Variants in CPD observed in about 807,000 individuals in gnomAD.
The protein encoded by CPD is metallocarboxypeptidase D.
In CPD, 69 loss-of-function variants were observed where a neutral mutation model predicts 138.3. The observed-to-expected ratio is 0.50, with a 90% CI of 0.41 to 0.61. The LOEUF (loss-of-function observed/expected upper bound fraction) is 0.61. Among genes scored for constraint, CPD ranks in the 20% least tolerant of loss-of-function variants. The pLI, the probability that CPD is intolerant of heterozygous loss-of-function variation, is 0.00. For missense variants in CPD, 1,432 were observed against 1,733.3 expected (o/e 0.83, Z 3.09); for synonymous variants, 651 against 642.1 (o/e 1.01, Z -0.21).
chr17:30,451,756 G>A lies in CPD; in HGVS notation c.3115G>A (p.Asp1039Asn). 1 of 1,614,062 alleles carries A rather than the reference G, an allele frequency of 6.2e-7. No individual in the cohort carries two copies. The highest frequency in any genetic ancestry group is 8.5e-7 in the Non-Finnish European group (1 of 1,179,968). Residue 1039 changes from aspartate (D) to asparagine (N), a missense_variant, in exon 14 of 21, where the codon GAT becomes AAT. Coordinates refer to ENST00000225719, the MANE Select transcript of CPD (RefSeq NM_001304.5). ...TGTGATTGTCCCTTCTCTAAATCCA[G>A]ATGGGCGAGAGAGAGCTCAAGAGAA... ...RIVIVPSLNP[D>N]GRERAQEKDC... is the part of the protein sequence containing the mutation.
intron 2 of CPD, among the ~76,000 whole-genome samples, chr17:30,409,695 G>A (rs1004577975): frequency 6.6e-6 from 1 of 152,088 alleles, no homozygotes; most frequent in Non-Finnish European, 1.5e-5. Flanking sequence ...GGGATCGGTG[G>A]TGATATCCCC....
chr17:30,383,635 A>G (rs1374898396), intron 1 of CPD, among the ~76,000 whole-genome samples: 1 of 152,134 alleles, frequency 6.6e-6, no homozygotes, highest in Non-Finnish European at 1.5e-5. Flanking sequence ...TGATGAACAG[A>G]TTTTGTGTTA....
In CPD at chr17:30,397,192, A is replaced by T. The variant is rs114545069; in HGVS notation, c.994+11956A>T. On this transcript the variant is annotated intron_variant, in intron 2 of 20. Coordinates refer to ENST00000225719, the MANE Select transcript of CPD (RefSeq NM_001304.5). ...TATTTTATTATTTACCAAAATTTGTAAAAAAAACTATGCCTTTTTGATAAA... is the reference window on the plus strand; with the variant it reads ...TATTTTATTATTTACCAAAATTTGTTAAAAAAACTATGCCTTTTTGATAAA... 3.0e-3 allele frequency among the ~76,000 whole-genome samples: 455 copies of T among 152,090 alleles called. 1 individual carries two copies. Among genetic ancestry groups the T allele is most frequent in the African/African-American group, 0.011 (439 of 41,506 alleles).
chr17:30,458,449 G>A (rs189833261), intron 17 of CPD, among the ~76,000 whole-genome samples: 3 of 152,066 alleles, frequency 2.0e-5, no homozygotes, highest in Non-Finnish European at 2.9e-5. Flanking sequence ...AAGATGCCCC[G>A]CCCCACCCCA....
At chr17:30,460,766 G>A (rs1188889317) in intron 17 of CPD, among the ~76,000 whole-genome samples, 3 of 152,166 alleles carry the variant, frequency 2.0e-5, no homozygotes. Flanking sequence ...ACCAGCAGGG[G>A]TCCAGGTTGA....
intron 1 of CPD, among the ~76,000 whole-genome samples, chr17:30,384,580 A>G (rs1350461428): frequency 2.0e-5 from 3 of 152,192 alleles, no homozygotes; most frequent in Non-Finnish European, 4.4e-5. Flanking sequence ...CAACATGGCG[A>G]GACCCCATCA....
intron 1 of CPD, chr17:30,380,729 TG>T: frequency 1.1e-6 from 1 of 926,100 alleles, no homozygotes; most frequent in Non-Finnish European, 1.6e-6. Context: ...ACCATCTCTG[TG>T]GAAGAGGTAG....
intron 6 of CPD, among the ~76,000 whole-genome samples, chr17:30,424,765 A>G (rs1315591451): frequency 1.3e-5 from 2 of 152,192 alleles, no homozygotes; most frequent in African/African-American, 4.8e-5. Flanking sequence ...CTTATGCACA[A>G]CACTAGGGGA....
At chr17:30,429,889 T>C (rs1912517468) in intron 7 of CPD, among the ~76,000 whole-genome samples, 1 of 152,174 alleles carries the variant, frequency 6.6e-6, no homozygotes, top group Admixed American at 6.5e-5. Flanking sequence ...CCATCTCTGA[T>C]GGTACCAGGA....
chr17:30,425,612 C>T (rs970617726), intron 6 of CPD, among the ~76,000 whole-genome samples: 3 of 148,508 alleles, frequency 2.0e-5, no homozygotes, highest in African/African-American at 5.0e-5. Context: ...GCCGAGATGG[C>T]GCCACTGCAC....
At chr17:30,449,407 A>T (rs979634371) in intron 12 of CPD, 146 bp from the exon 13 acceptor site, 3 of 588,954 alleles carry the variant, frequency 5.1e-6, no homozygotes, top group East Asian at 3.4e-5. Context: ...TAATTTTCTT[A>T]AGGTTTTCTG....
At chr17:30,409,646 C>T (rs898153485) in intron 2 of CPD, among the ~76,000 whole-genome samples, 2 of 152,008 alleles carry the variant, frequency 1.3e-5, no homozygotes, top group African/African-American at 4.8e-5. Context: ...TTGTGTAGAG[C>T]GGTTTATAGT....
Position 30,461,311 on chromosome 17 carries a change from G to A in CPD, c.3630G>A (p.Glu1210=). 1 of 1,579,060 alleles carries A rather than the reference G, an allele frequency of 6.3e-7. No individual in the cohort carries two copies. The highest frequency in any genetic ancestry group is 8.6e-7 in the Non-Finnish European group (1 of 1,163,960). Residue 1210 remains glutamate (E), a splice_region_variant and synonymous_variant, in exon 18 of 21, where the codon GAG becomes GAA. Transcript: ENST00000225719. The stretch of plus-strand genomic sequence containing the variant: ...GATCTCTTCTTAGTATGTTAGTGGA[G>A]GTGAGTCTTTTCCTTTTAACTAGAG... The part of the protein sequence containing the change: ...NKRSLLSMLV[E]VHKGVHGFVK...
chr17:30,445,902 A>G lies in CPD; in HGVS notation c.2755A>G (p.Met919Val). Residue 919 changes from methionine to valine, a missense_variant, in exon 12 of 21, where the codon ATG becomes GTG. Coordinates refer to ENST00000225719, the MANE Select transcript of CPD (RefSeq NM_001304.5). ...LSAENGLESL[M>V]LRSSSNLALA... Reference sequence around the variant, plus strand: ...AGCGGAGAATGGTTTGGAAAGCCTCATGTTACGCTCCTCCTCAAATCTGGC... The same window carrying G: ...AGCGGAGAATGGTTTGGAAAGCCTCGTGTTACGCTCCTCCTCAAATCTGGC... 1.9e-6 allele frequency: 3 copies of G among 1,614,162 alleles called. No individual in the cohort carries two copies. The highest frequency in any genetic ancestry group is 2.5e-6 in the Non-Finnish European group (3 of 1,180,006).
chr17:30,446,250 T>A (rs1448185421), intron 12 of CPD, among the ~76,000 whole-genome samples: 1 of 152,142 alleles, frequency 6.6e-6, no homozygotes, highest in Non-Finnish European at 1.5e-5. Flanking sequence ...TATGTATACA[T>A]GTGCCATGTT....
chr17:30,455,455 A>C lies in CPD; in HGVS notation c.3322A>C (p.Lys1108Gln). 1 of 1,612,872 alleles carries C rather than the reference A, an allele frequency of 6.2e-7. No homozygotes were observed. Among genetic ancestry groups the C allele is most frequent in the Non-Finnish European group, 8.5e-7 (1 of 1,179,672 alleles). The change falls in exon 15 of 21, where the codon AAG becomes CAG. Residue 1108 changes from lysine to glutamine, a missense_variant. Physicochemically the swap from Lys to Gln is moderately conservative, Grantham distance 53. This residue lies in a region of CPD where 366 missense variants were observed against 518.8 expected (regional missense o/e 0.71). Coordinates refer to ENST00000225719, the MANE Select transcript of CPD (RefSeq NM_001304.5). ...GSMLVTYPYD[K>Q]PVQTVENKET... The stretch of plus-strand genomic sequence containing the variant: ...CATGCTGGTCACATATCCTTATGAC[A>C]AGCCAGTACAGACAGGTATGTAGAA...
intron 2 of CPD, among the ~76,000 whole-genome samples, chr17:30,400,482 G>C (rs1452647740): frequency 6.6e-6 from 1 of 151,804 alleles, no homozygotes; most frequent in Non-Finnish European, 1.5e-5. Flanking sequence ...ATAGCTGATT[G>C]TATTTACCAT....
chr17:30,394,378 T>G (rs1911443365), intron 2 of CPD, among the ~76,000 whole-genome samples: 1 of 152,112 alleles, frequency 6.6e-6, no homozygotes. Flanking sequence ...TTTCACCAGT[T>G]TAGCTGTAAC....
At chr17:30,399,977 C>T (rs1003029150) in intron 2 of CPD, among the ~76,000 whole-genome samples, 4 of 152,024 alleles carry the variant, frequency 2.6e-5, no homozygotes, top group Admixed American at 2.0e-4. Flanking sequence ...GGTAATACAG[C>T]GAGACTCTGT....
Sources: allele counts gnomAD v4.1 joint callset (sites outside exome capture counted in the v4.1 genomes callset), GRCh38; gene constraint gnomAD v4.1.1; regional missense constraint gnomAD v4.1.1; transcripts MANE v1.5; gene names NCBI Gene and HGNC (gene_info 2026-07-23, HGNC 2026-07-21).